The following PTPRM variants were observed in gnomAD, a reference collection of about 807,000 sequenced individuals.
PTPRM encodes the protein protein tyrosine phosphatase receptor type M.
Under a neutral mutation model 186.7 loss-of-function variants are expected in PTPRM, and 47 were observed. The observed-to-expected ratio is 0.25, with a 90% CI of 0.20 to 0.32. The LOEUF (loss-of-function observed/expected upper bound fraction) is 0.32. Ranked by LOEUF, PTPRM falls within the 10% of genes least tolerant of loss-of-function variation. The pLI is 1.00. For synonymous variants in PTPRM, 668 were observed against 674.9 expected (o/e 0.99, Z 0.16); for missense variants, 1,494 against 1,865.0 (o/e 0.80, Z 3.66).
At chr18:8,323,487 T>C (rs1231628232) in intron 22 of PTPRM, among the ~76,000 whole-genome samples, 1 of 152,230 alleles carries the variant, frequency 6.6e-6, no homozygotes, top group Non-Finnish European at 1.5e-5. Context: ...TTAATTATTA[T>C]TGTCTTCAAT....
At chr18:8,089,778 C>T (rs769579993) in intron 11 of PTPRM, among the ~76,000 whole-genome samples, 79 of 152,222 alleles carry the variant, frequency 5.2e-4, no homozygotes, top group Non-Finnish European at 9.3e-4. Flanking sequence ...TATCATAAGG[C>T]AATCAGTTAG....
intron 7 of PTPRM, among the ~76,000 whole-genome samples, chr18:8,040,957 A>G (rs555660891): frequency 1.4e-4 from 21 of 152,312 alleles, no homozygotes; most frequent in African/African-American, 3.4e-4. Flanking sequence ...TTATGTGACC[A>G]TGCAGTCTTG....
intron 1 of PTPRM, among the ~76,000 whole-genome samples, chr18:7,699,471 C>T (rs529813929): frequency 9.2e-5 from 14 of 152,200 alleles, no homozygotes; most frequent in South Asian, 8.3e-4. Context: ...TAGAGTGGCG[C>T]GATCTCAGCT....
Position 7,568,308 on chromosome 18 carries a change from C to T in PTPRM, c.73+417C>T, listed in dbSNP as rs911198365. On this transcript the variant is annotated intron_variant, in intron 1 of 32. Transcript: ENST00000580170. The surrounding 1 kb of genome is among the most constrained non-coding windows in gnomAD (Gnocchi z 5.1). Reference sequence around the variant, plus strand: ...GGCGCTGCGCGGTCCCCGCCGACCCCGAGCAGCGGCCGGGCCCAGGCCGCT... The same window carrying T: ...GGCGCTGCGCGGTCCCCGCCGACCCTGAGCAGCGGCCGGGCCCAGGCCGCT... Among the ~76,000 whole-genome samples the T allele has an allele frequency of 1.3e-5, 2 of 151,808 alleles. No individual in the cohort carries two copies. The highest frequency in any genetic ancestry group is 2.4e-5 in the African/African-American group (1 of 41,398).
chr18:8,162,468 T>C (rs1371591412), intron 14 of PTPRM, among the ~76,000 whole-genome samples: 1 of 152,174 alleles, frequency 6.6e-6, no homozygotes, highest in African/African-American at 2.4e-5. Context: ...ACTCCGCCAG[T>C]GTAGGAAAGA....
At chr18:7,795,109 G>A (rs960490835) in intron 2 of PTPRM, among the ~76,000 whole-genome samples, 2 of 152,228 alleles carry the variant, frequency 1.3e-5, no homozygotes, top group African/African-American at 2.4e-5. Context: ...TGATTCACGG[G>A]CTTCACTCAG....
chr18:7,851,169 C>G (rs1451020220), intron 2 of PTPRM, among the ~76,000 whole-genome samples: 1 of 151,992 alleles, frequency 6.6e-6, no homozygotes, highest in East Asian at 1.9e-4. Flanking sequence ...ACTGGATATA[C>G]AGAGAAGAAC....
chr18:7,636,756 A>T (rs942356284), intron 1 of PTPRM, among the ~76,000 whole-genome samples: 5 of 152,174 alleles, frequency 3.3e-5, no homozygotes, highest in African/African-American at 4.8e-5. Context: ...TTTGAAGGAG[A>T]TGTTGGATTT....
At chr18:8,387,010 G>A in intron 30 of PTPRM, 62 bp from the exon 31 acceptor site, 1 of 1,477,982 alleles carries the variant, frequency 6.8e-7, no homozygotes, top group Non-Finnish European at 9.4e-7. Flanking sequence ...TCAGCCCACT[G>A]GAATTCAGTA....
intron 2 of PTPRM, among the ~76,000 whole-genome samples, chr18:7,878,374 T>C (rs944235157): frequency 1.6e-4 from 25 of 152,194 alleles, no homozygotes; most frequent in African/African-American, 4.8e-5. Flanking sequence ...ATTCCTTCTT[T>C]CTGCCTTCTG....
intron 5 of PTPRM, among the ~76,000 whole-genome samples, chr18:7,942,008 G>A (rs1177953350): frequency 1.3e-5 from 2 of 152,130 alleles, no homozygotes; most frequent in African/African-American, 4.8e-5. Context: ...TAATATGGCT[G>A]GGTGCGATGG....
chr18:7,679,574 A>C (rs1021479714), intron 1 of PTPRM, among the ~76,000 whole-genome samples: 1 of 152,334 alleles, frequency 6.6e-6, no homozygotes, highest in South Asian at 2.1e-4. Context: ...CCGAGGCACG[A>C]GAATCACTTG....
At chr18:8,369,377 A>G (rs1349451255) in intron 23 of PTPRM, among the ~76,000 whole-genome samples, 1 of 152,228 alleles carries the variant, frequency 6.6e-6, no homozygotes, top group Non-Finnish European at 1.5e-5. Flanking sequence ...ATTGGGACAC[A>G]TAGAATGCCC....
At chr18:8,192,215 A>C (rs769849720) in intron 14 of PTPRM, among the ~76,000 whole-genome samples, 1 of 152,160 alleles carries the variant, frequency 6.6e-6, no homozygotes, top group South Asian at 2.1e-4. Context: ...GTACAAAATC[A>C]TATCAATATT....
chr18:8,122,789 C>T (rs1054246817), intron 13 of PTPRM, among the ~76,000 whole-genome samples: 1 of 152,134 alleles, frequency 6.6e-6, no homozygotes, highest in Admixed American at 6.5e-5. Context: ...TAGTATTAAA[C>T]GAAGCCCCCC....
At chr18:8,047,268 C>T (rs900939732) in intron 7 of PTPRM, among the ~76,000 whole-genome samples, 8 of 151,956 alleles carry the variant, frequency 5.3e-5, no homozygotes, top group Non-Finnish European at 7.4e-5. Flanking sequence ...CACTTCTAAG[C>T]AGTATTTCAA....
At chr18:7,989,852 C>T (rs2083168720) in intron 7 of PTPRM, among the ~76,000 whole-genome samples, 1 of 152,158 alleles carries the variant, frequency 6.6e-6, no homozygotes, top group Non-Finnish European at 1.5e-5. Context: ...TGAAGCTCTT[C>T]AAAGCTTTCT....
At chr18:8,004,400 TG>T (rs2084053013) in intron 7 of PTPRM, among the ~76,000 whole-genome samples, 1 of 151,884 alleles carries the variant, frequency 6.6e-6, no homozygotes, top group Non-Finnish European at 1.5e-5. Context: ...GCAATTCAAA[TG>T]GATAACATTT....
At chr18:7,841,656 A>G (rs1032020113) in intron 2 of PTPRM, among the ~76,000 whole-genome samples, 1 of 152,176 alleles carries the variant, frequency 6.6e-6, no homozygotes, top group Non-Finnish European at 1.5e-5. Flanking sequence ...TGTACAGGTT[A>G]TCTGGCACCA....
Sources: gnomAD v4.1 joint callset for allele counts (sites outside exome capture counted in the v4.1 genomes callset) on GRCh38, gnomAD v4.1.1 for gene constraint, Gnocchi (gnomAD v3.1) non-coding constraint, MANE v1.5 for transcripts, NCBI Gene and HGNC (gene_info 2026-07-23, HGNC 2026-07-21) for gene names.